MAF: variants seen among roughly 807,000 people sequenced by gnomAD.
The protein encoded by MAF is MAF bZIP transcription factor.
MAF carries 10 observed loss-of-function variants against 22.0 expected under a neutral mutation model. The ratio of observed to expected loss-of-function variants is 0.45; its 90% CI spans 0.28 to 0.77. The LOEUF is 0.77. Among genes scored for constraint, MAF ranks in the 30% least tolerant of loss-of-function variants. The probability of loss-of-function intolerance (pLI) is 0.12; values close to 1 mark genes in which losing one functional copy is unlikely to be tolerated. For synonymous variants in MAF, 337 were observed against 255.8 expected, an observed-to-expected ratio of 1.32 and a Z score of -3.03; for missense variants, 544 against 548.4, an observed-to-expected ratio of 0.99 and a Z score of 0.08.
chr16:79,448,765 A>C, the MAF span, among the ~76,000 whole-genome samples: 58 of 152,062 alleles, frequency 3.8e-4, no homozygotes, highest in East Asian at 3.3e-3. Context: ...TAAAAAAAAA[A>C]ACACACACAA....
chr16:79,478,849 G>T, the MAF span, among the ~76,000 whole-genome samples: 2 of 151,618 alleles, frequency 1.3e-5, no homozygotes, highest in Admixed American at 1.3e-4. Context: ...GGACACCTTT[G>T]CACCACACCA....
chr16:79,251,251 C>A, the MAF span, among the ~76,000 whole-genome samples: 7 of 151,612 alleles, frequency 4.6e-5, no homozygotes, highest in African/African-American at 1.5e-4. Flanking sequence ...ATCAAGGACT[C>A]ATTGTTAACT....
At chr16:79,291,669 C>T in the MAF span, among the ~76,000 whole-genome samples, 1 of 151,182 alleles carries the variant, frequency 6.6e-6, no homozygotes, top group Non-Finnish European at 1.5e-5. Flanking sequence ...TAGCCAGCTA[C>T]CCATGAGTTA....
chr16:79,387,922 T>A, the MAF span, among the ~76,000 whole-genome samples: 1 of 152,190 alleles, frequency 6.6e-6, no homozygotes. Context: ...GTCCCCAACA[T>A]AGTTAACTGA....
chr16:79,396,677 G>A, the MAF span, among the ~76,000 whole-genome samples: 3 of 152,150 alleles, frequency 2.0e-5, no homozygotes, highest in African/African-American at 4.8e-5. Context: ...TGCGTAGAGA[G>A]CAGTGGTTCT....
At chr16:79,539,769 G>A in the MAF span, among the ~76,000 whole-genome samples, 4 of 152,104 alleles carry the variant, frequency 2.6e-5, no homozygotes, top group Non-Finnish European at 4.4e-5. Context: ...AGTGCTAAAC[G>A]GAAAAATGCA....
the MAF span, among the ~76,000 whole-genome samples, chr16:79,233,125 C>G: frequency 6.6e-6 from 1 of 152,066 alleles, no homozygotes; most frequent in East Asian, 1.9e-4. Context: ...TAGGCGTGAA[C>G]CACCGCGCCC....
At chr16:79,454,628 A>T in the MAF span, among the ~76,000 whole-genome samples, 5 of 152,274 alleles carry the variant, frequency 3.3e-5, no homozygotes, top group African/African-American at 9.6e-5. Flanking sequence ...TTCAACAGTC[A>T]AGCTTGGGAA....
the MAF span, among the ~76,000 whole-genome samples, chr16:79,469,658 G>T: frequency 6.6e-6 from 1 of 151,958 alleles, no homozygotes; most frequent in African/African-American, 2.4e-5. Flanking sequence ...GTGCAGTGGC[G>T]TGATCTCAGC....
At chr16:79,394,254 C>T in the MAF span, among the ~76,000 whole-genome samples, 2 of 152,214 alleles carry the variant, frequency 1.3e-5, no homozygotes, top group Non-Finnish European at 2.9e-5. Context: ...AAAACAGCTT[C>T]CTTTCCTTCT....
At chr16:79,404,345 G>T in the MAF span, among the ~76,000 whole-genome samples, 7 of 151,964 alleles carry the variant, frequency 4.6e-5, no homozygotes, top group Non-Finnish European at 8.8e-5. Flanking sequence ...TGTATTTTTA[G>T]TAGAGACTGG....
the MAF span, chr16:79,212,281 C>G: frequency 4.3e-6 from 5 of 1,170,982 alleles, no homozygotes; most frequent in African/African-American, 1.6e-5. Flanking sequence ...CTGACCAAGA[C>G]TGAGCCAGCT....
At chr16:79,520,675 G>C in the MAF span, among the ~76,000 whole-genome samples, 1 of 152,158 alleles carries the variant, frequency 6.6e-6, no homozygotes, top group African/African-American at 2.4e-5. Context: ...CTGGCTTTGG[G>C]GCAAATCAGA....
At chr16:79,327,535 C>A in the MAF span, among the ~76,000 whole-genome samples, 1 of 152,222 alleles carries the variant, frequency 6.6e-6, no homozygotes, top group Admixed American at 6.5e-5. Context: ...GACAAGGTCA[C>A]ATAGCTAGCT....
At chr16:79,406,190 C>G in the MAF span, among the ~76,000 whole-genome samples, 1 of 152,202 alleles carries the variant, frequency 6.6e-6, no homozygotes, top group African/African-American at 2.4e-5. Context: ...ACGCCTGCAA[C>G]TGCTTCCCAG....
At chr16:79,447,762 A>T in the MAF span, among the ~76,000 whole-genome samples, 1 of 151,974 alleles carries the variant, frequency 6.6e-6, no homozygotes, top group Admixed American at 6.6e-5. Flanking sequence ...TTAGCAAGAG[A>T]ACTTGAATTA....
the MAF span, among the ~76,000 whole-genome samples, chr16:79,415,717 G>C: frequency 1.3e-5 from 2 of 151,954 alleles, no homozygotes; most frequent in South Asian, 4.2e-4. Flanking sequence ...GAAAGGGCAT[G>C]GGCTTTGGAG....
At chr16:79,251,277 A>T in the MAF span, among the ~76,000 whole-genome samples, 1 of 151,576 alleles carries the variant, frequency 6.6e-6, no homozygotes, top group Non-Finnish European at 1.5e-5. Flanking sequence ...CTAGGTGTGC[A>T]AATGCTGTTA....
chr16:79,236,840 C>T, the MAF span, among the ~76,000 whole-genome samples: 1 of 150,764 alleles, frequency 6.6e-6, no homozygotes, highest in Admixed American at 6.6e-5. Flanking sequence ...CCTCCAGGGA[C>T]AACCTATACA....
Sources: allele counts gnomAD v4.1 joint callset (sites outside exome capture counted in the v4.1 genomes callset), GRCh38; gene constraint gnomAD v4.1.1; transcripts MANE v1.5; gene names NCBI Gene and HGNC (gene_info 2026-07-23, HGNC 2026-07-21).